The following SRPK3 variants were observed in gnomAD, a reference collection of about 807,000 sequenced individuals.
SRPK3 encodes SFRS protein kinase 3.
A neutral mutation model predicts 45.3 loss-of-function variants in SRPK3; 26 were observed. The ratio of observed to expected loss-of-function variants is 0.57; its 90% CI spans 0.42 to 0.80. The LOEUF is 0.80. Ranked by LOEUF, SRPK3 falls within the 30% of genes least tolerant of loss-of-function variation. The probability of loss-of-function intolerance (pLI) is 0.00; values close to 1 mark genes in which losing one functional copy is unlikely to be tolerated. For synonymous variants in SRPK3, 254 were observed against 226.6 expected, an observed-to-expected ratio of 1.12 and a Z score of -1.09; for missense variants, 536 against 514.5, an observed-to-expected ratio of 1.04 and a Z score of -0.40.
At position 153,783,808 on chromosome X, in the gene SRPK3, G is replaced by C. The variant is rs2092066735; in HGVS notation, c.831G>C (p.Gln277His). Residue 277 changes from glutamine (Q) to histidine (H), a missense_variant, in exon 9 of 15, where the codon CAG becomes CAC. Physicochemically the swap from Gln to His is conservative, Grantham distance 24 (BLOSUM62 0). Coordinates refer to ENST00000370101, the MANE Select transcript of SRPK3 (RefSeq NM_014370.4). ...AGAAGATGAGGCGCAAACGGAAACAGCAGAAGCGGCTGCTGGAGGAGCGGC... is the reference window on the plus strand; with the variant it reads ...AGAAGATGAGGCGCAAACGGAAACACCAGAAGCGGCTGCTGGAGGAGCGGC... ...KRKKMRRKRK[Q>H]QKRLLEERLR... is the part of the protein sequence containing the mutation. The C allele has an allele frequency of 8.3e-7, 1 of 1,206,517 alleles. No homozygotes were observed. The highest frequency in any genetic ancestry group is 1.7e-5 in the African/African-American group (1 of 57,617).
At chrX:153,781,921 C>T (rs1279817940) in intron 4 of SRPK3, 91 bp downstream of exon 4, 10 of 1,046,748 alleles carry the variant, frequency 9.6e-6, no homozygotes, top group Non-Finnish European at 1.3e-5. Flanking sequence ...CTCTGTGGGG[C>T]AGGGCGGGGC....
Position 153,785,116 on chromosome X carries a change from A to G in SRPK3, c.1462A>G (p.Ile488Val). The change falls in exon 14 of 15, where the codon ATC (isoleucine) becomes GTC (valine). Residue 488 changes from isoleucine (I) to valine (V), a missense_variant. Ile to Val is a conservative substitution (Grantham distance 29). Coordinates refer to ENST00000370101, the MANE Select transcript of SRPK3 (RefSeq NM_014370.4). Reference sequence around the variant, plus strand: ...TCACATAGTGGAGCTTCTGGGGGACATCCCCCCAGCCTTCGCCCTCTCAGG... The same window carrying G: ...TCACATAGTGGAGCTTCTGGGGGACGTCCCCCCAGCCTTCGCCCTCTCAGG... The part of the protein sequence containing the change: ...IAHIVELLGD[I>V]PPAFALSGRY... The G allele has an allele frequency of 8.3e-7, 1 of 1,210,520 alleles. No individual in the cohort carries two copies. Among genetic ancestry groups the G allele is most frequent in the Non-Finnish European group, 1.1e-6 (1 of 895,192 alleles).
At chrX:153,783,338 C>A in intron 8 of SRPK3, 87 bp downstream of exon 8, 1 of 620,216 alleles carries the variant, frequency 1.6e-6, no homozygotes, top group South Asian at 3.0e-5. Context: ...GGCTCCACCC[C>A]CCACCTTCAC....
At position 153,785,121 on chromosome X, in the gene SRPK3, C is replaced by G. The variant is rs1411257788; in HGVS notation, c.1467C>G (p.Pro489=). 8.3e-7 allele frequency: 1 copy of G among 1,210,131 alleles called. No homozygotes were observed. Among genetic ancestry groups the G allele is most frequent in the East Asian group, 3.0e-5 (1 of 33,784 alleles). The stretch of plus-strand genomic sequence containing the variant: ...TAGTGGAGCTTCTGGGGGACATCCC[C>G]CCAGCCTTCGCCCTCTCAGGCCGCT... ...AHIVELLGDI[P]PAFALSGRYS... The change falls in exon 14 of 15, where the codon CCC becomes CCG. Residue 489 remains proline, a synonymous_variant. Coordinates refer to ENST00000370101, the MANE Select transcript of SRPK3 (RefSeq NM_014370.4).
At chrX:153,781,404 T>C in intron 2 of SRPK3, 58 bp downstream of exon 2, 1 of 1,173,568 alleles carries the variant, frequency 8.5e-7, no homozygotes, top group South Asian at 1.9e-5. Context: ...CCCAGGGCAG[T>C]CCTGGGCCCA....
In SRPK3 at chrX:153,781,562, G is replaced by A. The variant is rs781916801; in HGVS notation, c.248G>A (p.Arg83His). ...TTCAATGGGCGGTACCACGTGGTGC[G>A]CAAACTGGGCTGGGGCCACTTCTCC... The part of the protein sequence containing the change: ...DVFNGRYHVV[R>H]KLGWGHFSTV... Residue 83 changes from arginine (R) to histidine (H), a missense_variant, in exon 3 of 15, where the codon CGC becomes CAC. Transcript: ENST00000370101. 12 of 1,209,646 alleles carry A rather than the reference G, an allele frequency of 9.9e-6. No individual in the cohort carries two copies. Among genetic ancestry groups the A allele is most frequent in the African/African-American group, 1.7e-5 (1 of 57,458 alleles).
At chrX:153,783,658 G>C in intron 8 of SRPK3, 94 bp from the exon 9 acceptor site, 1 of 1,164,339 alleles carries the variant, frequency 8.6e-7, no homozygotes. Context: ...GGGGCCCGGA[G>C]AGGCCTCTTC....
At position 153,783,899 on chromosome X, in the gene SRPK3, A is replaced by G. The variant is rs4898442; in HGVS notation, c.907+15A>G. 194,963 of 1,187,862 alleles carry G rather than the reference A, an allele frequency of 0.16. 11,227 individuals are homozygous for G. The highest frequency in any genetic ancestry group is 0.26 in the Middle Eastern group (1,027 of 3,951). On this transcript the variant is annotated intron_variant, in intron 9 of 14. Transcript: ENST00000370101. ...CCAGGCTGAGGGTGAGGGGCCACAG[A>G]GGGTGATGGGCCGTGGAGCGCAGCA... is the stretch of plus-strand genomic sequence containing the variant.
rs1249043750 is a variant in SRPK3, at chrX:153,782,099, G to A, written c.388-22G>A. ...TTCAGGGCAGGGTGGAACCATCTGT[G>A]GCCCCTTGGCTTTTGCTCCAGGTCC... On this transcript the variant is annotated intron_variant, in intron 4 of 14. Coordinates refer to ENST00000370101, the MANE Select transcript of SRPK3 (RefSeq NM_014370.4). 4 of 1,190,462 alleles carry A rather than the reference G, an allele frequency of 3.4e-6. No individual in the cohort carries two copies. In the African/African-American group the frequency reaches 7.0e-5, roughly 21 times the overall value.
At position 153,782,948 on chromosome X, in the gene SRPK3, T is replaced by TGCGACTCTCC. The variant is rs2092060375; in HGVS notation, c.583-3_583-2insGACTCTCCGC. 1 of 1,183,974 alleles carries TGCGACTCTCC rather than the reference T, an allele frequency of 8.4e-7. No homozygotes were observed. The highest frequency in any genetic ancestry group is 1.9e-5 in the South Asian group (1 of 53,673). On this transcript the variant is annotated splice_region_variant and splice_polypyrimidine_tract_variant and intron_variant, in intron 6 of 14. Transcript: ENST00000370101. ...TTGGAGGAGGTCAGGTGCGACTCTC[T>TGCGACTCTCC]GCAGGTGCTGCACGGCCTGGACTAC...
intron 13 of SRPK3, 33 bp downstream of exon 13, chrX:153,785,036 G>A (rs782145577): frequency 1.6e-5 from 19 of 1,209,826 alleles, no homozygotes; most frequent in Middle Eastern, 4.6e-4. Context: ...TCAGCCTCCC[G>A]GCCTCCCGGC....
At chrX:153,782,602 A>T (rs1421914166) in intron 5 of SRPK3, among the ~76,000 whole-genome samples, 170 bp from the exon 6 acceptor site, 1 of 113,330 alleles carries the variant, frequency 8.8e-6, no homozygotes. Flanking sequence ...GTTGAGACTG[A>T]CAGGGACACT....
At position 153,781,491 on chromosome X, in the gene SRPK3, T is replaced by C; in HGVS notation, c.191-14T>C. On this transcript the variant is annotated splice_polypyrimidine_tract_variant and intron_variant, in intron 2 of 14. Transcript: ENST00000370101. ...AGAACCCCCTCCACCCCAATCTACA[T>C]CTCCCCTGGGCAGGCGGCTACCACC... 15 of 1,202,326 alleles carry C rather than the reference T, an allele frequency of 1.2e-5. No individual in the cohort carries two copies. Among genetic ancestry groups the C allele is most frequent in the Non-Finnish European group, 1.6e-5 (14 of 890,019 alleles).
In SRPK3 at chrX:153,781,518, T is replaced by C. The variant is rs201702322; in HGVS notation, c.204T>C (p.Pro68=). Residue 68 remains proline, a synonymous_variant, in exon 3 of 15, where the codon CCT becomes CCC. Transcript: ENST00000370101. ...PKDYCKGGYH[P]VKIGDVFNGR... is the part of the protein sequence containing the mutation. ...TCCCCTGGGCAGGCGGCTACCACCC[T>C]GTGAAGATCGGCGACGTGTTCAATG... 9.9e-6 allele frequency: 12 copies of C among 1,208,737 alleles called. No homozygotes were observed. In the Admixed American group the frequency reaches 2.6e-4, roughly 26 times the overall value.
At position 153,783,823 on chromosome X, in the gene SRPK3, G is replaced by A; in HGVS notation, c.846G>A (p.Leu282=). 1 of 1,204,314 alleles carries A rather than the reference G, an allele frequency of 8.3e-7. No individual in the cohort carries two copies. Among genetic ancestry groups the A allele is most frequent in the East Asian group, 3.0e-5 (1 of 33,495 alleles). Residue 282 remains leucine (L), a synonymous_variant, in exon 9 of 15, where the codon CTG becomes CTA. Transcript: ENST00000370101. ...RRKRKQQKRL[L]EERLRDLQRL... ...AACGGAAACAGCAGAAGCGGCTGCT[G>A]GAGGAGCGGCTGCGGGACCTGCAGA...
rs1430182289 is a variant in SRPK3, at chrX:153,784,045, G to A, written c.979G>A (p.Ala327Thr). The stretch of plus-strand genomic sequence containing the variant: ...AGGCTGTCACCCCGGGGGCGCCAGA[G>A]CAGGTCCCTCCCCAGCCTCTTCCTC... ...SSGCHPGGARAGPSPASSSPA... is the reference protein window; with the variant it reads ...SSGCHPGGARTGPSPASSSPA... The change falls in exon 10 of 15, where the codon GCA (alanine) becomes ACA (threonine). Residue 327 changes from alanine (A) to threonine (T), a missense_variant. Coordinates refer to ENST00000370101, the MANE Select transcript of SRPK3 (RefSeq NM_014370.4). 8.3e-7 allele frequency: 1 copy of A among 1,209,345 alleles called. No individual in the cohort carries two copies. The highest frequency in any genetic ancestry group is 1.1e-6 in the Non-Finnish European group (1 of 894,641).
At position 153,785,570 on chromosome X, in the gene SRPK3, G is replaced by A. The variant is rs1020116050; in HGVS notation, c.*50G>A. 3.4e-6 allele frequency: 4 copies of A among 1,168,963 alleles called. No homozygotes were observed. The highest frequency in any genetic ancestry group is 2.3e-5 in the Admixed American group (1 of 44,417). On this transcript the variant is annotated 3_prime_UTR_variant, in exon 15 of 15. Coordinates refer to ENST00000370101, the MANE Select transcript of SRPK3 (RefSeq NM_014370.4). ...CTCTCCGTGCCTTAAGGGAAAAGCG[G>A]GACAGCTCCCACCACCCTGCTGGGC...
rs1443408025 is a variant in SRPK3, at chrX:153,783,050, T to C, written c.680T>C (p.Ile227Thr). Reference protein sequence around the residue: ...NILLCVGDAYIRRLAAEATEW... With the variant: ...NILLCVGDAYTRRLAAEATEW... ...TTGCTGTGTGTGGGGGACGCTTACA[T>C]CAGGCGCCTGGCTGCCGAGGCCACG... is the stretch of plus-strand genomic sequence containing the variant. The change falls in exon 7 of 15, where the codon ATC (isoleucine) becomes ACC (threonine). Residue 227 changes from isoleucine (I) to threonine (T), a missense_variant. Coordinates refer to ENST00000370101, the MANE Select transcript of SRPK3 (RefSeq NM_014370.4). 2 of 1,178,758 alleles carry C rather than the reference T, an allele frequency of 1.7e-6. No homozygotes were observed. Among genetic ancestry groups the C allele is most frequent in the Non-Finnish European group, 2.3e-6 (2 of 878,944 alleles).
Position 153,783,192 on chromosome X carries a change from G to GC in SRPK3, c.749-34_749-33insC, listed in dbSNP as rs781851056. ...CCTGCCTGAGTCTCTGTTCCTCCCT[G>GC]TCCCCCCCCACCGCTCCCCACCTGC... On this transcript the variant is annotated intron_variant, in intron 7 of 14. Transcript: ENST00000370101. 2.0e-3 allele frequency: 1,958 copies of GC among 957,545 alleles called. 37 individuals are homozygous for GC. In the African/African-American group the frequency reaches 0.03, roughly 15 times the overall value. 78.9% of individuals were successfully genotyped at this position (957,545 alleles called of 1,213,427 possible). A position where few individuals can be genotyped will look rare whatever the true frequency, so the allele number is the denominator to read the frequency against.
Sources: allele counts gnomAD v4.1 joint callset (sites outside exome capture counted in the v4.1 genomes callset), GRCh38; gene constraint gnomAD v4.1.1; transcripts MANE v1.5; gene names NCBI Gene and HGNC (gene_info 2026-07-23, HGNC 2026-07-21).